Variants in THOC2 observed in about 807,000 individuals in gnomAD.
THOC2 encodes the protein THO complex 2.
A neutral mutation model predicts 128.4 loss-of-function variants in THOC2; 10 were observed. That is an observed-to-expected ratio of 0.08 (90% CI 0.05 to 0.13). THOC2 has a LOEUF of 0.13. THOC2 is among the 10% of genes least tolerant of loss of function. THOC2 has a pLI of 1.00. For synonymous variants in THOC2, 393 were observed against 396.9 expected, an observed-to-expected ratio of 0.99 and a Z score of 0.12; for missense variants, 535 against 1,155.7, an observed-to-expected ratio of 0.46 and a Z score of 7.79.
At chrX:123,716,569 C>T (rs2051423801) in intron 1 of THOC2, among the ~76,000 whole-genome samples, 1 of 109,795 alleles carries the variant, frequency 9.1e-6, no homozygotes, top group Admixed American at 9.8e-5. Flanking sequence ...ACTAAAAATA[C>T]AAAAACAAAA....
intron 37 of THOC2, 25 bp from the exon 38 acceptor site, chrX:123,610,988 A>T: frequency 1.7e-6 from 2 of 1,200,516 alleles, no homozygotes; most frequent in Non-Finnish European, 2.3e-6. Context: ...AAGGGAAAAC[A>T]ACTTTTGGGA....
At chrX:123,726,512 CAAA>C (rs567231605) in intron 1 of THOC2, among the ~76,000 whole-genome samples, 7 of 52,584 alleles carry the variant, frequency 1.3e-4, no homozygotes, top group Admixed American at 2.3e-4. Context: ...GACCCTGTCT[CAAA>C]AAAAAAAAAA....
chrX:123,653,717 C>T (rs2048453621), intron 12 of THOC2, among the ~76,000 whole-genome samples: 1 of 111,930 alleles, frequency 8.9e-6, no homozygotes, highest in Non-Finnish European at 1.9e-5. Context: ...CAATGAGATA[C>T]CATCTCACAC....
At chrX:123,607,410 G>A (rs2046513698) in intron 38 of THOC2, among the ~76,000 whole-genome samples, 1 of 110,175 alleles carries the variant, frequency 9.1e-6, no homozygotes, top group Non-Finnish European at 1.9e-5. Flanking sequence ...CAAGGAGCTG[G>A]TACTACAGGT....
rs2050459185 is a variant in THOC2, at chrX:123,696,656, T to C, written c.467+65A>G. 4.6e-6 allele frequency: 5 copies of C among 1,089,228 alleles called. No individual in the cohort carries two copies. In the Admixed American group the frequency reaches 1.4e-4, roughly 30 times the overall value. 89.8% of individuals were successfully genotyped at this position (1,089,228 alleles called of 1,213,427 possible). A position where few individuals can be genotyped will look rare whatever the true frequency, so the allele number is the denominator to read the frequency against. On this transcript the variant is annotated intron_variant, in intron 6 of 38. Transcript: ENST00000245838. ...AAAGTCCCCTTAGAAGCTACTAGGATTCAAAATATGAACGAAAAAACATAC... is the reference window on the plus strand; with the variant it reads ...AAAGTCCCCTTAGAAGCTACTAGGACTCAAAATATGAACGAAAAAACATAC...
rs951889866 is a variant in THOC2 at position 123,703,427 on chromosome X, C to G, written c.274+27G>C. Reference sequence around the variant, plus strand: ...ATTTGATTTACCACACAGCACATTACAGGTGAAATAAAGGCTTAATACCTA... The same window carrying G: ...ATTTGATTTACCACACAGCACATTAGAGGTGAAATAAAGGCTTAATACCTA... On this transcript the variant is annotated intron_variant, in intron 4 of 38. Transcript: ENST00000245838. 3.9e-6 allele frequency: 4 copies of G among 1,013,864 alleles called. No homozygotes were observed. The African/African-American group carries it at 5.7e-5, about 14-fold the overall frequency. The allele number at this position is 1,013,864 out of a possible 1,213,427, so 83.6% of individuals were successfully genotyped here. A position where few individuals can be genotyped will look rare whatever the true frequency, so the allele number is the denominator to read the frequency against.
At chrX:123,644,718 C>T in intron 14 of THOC2, 42 bp from the exon 15 acceptor site, 1 of 1,165,362 alleles carries the variant, frequency 8.6e-7, no homozygotes. Flanking sequence ...AAGTTAAACA[C>T]TTAGAGGTTA....
rs959109498 is a variant in THOC2, at chrX:123,621,161, T to G, written c.4212A>C (p.Glu1404Asp). The part of the protein sequence containing the change: ...PVPRSDIPEP[E>D]REQKRRKIDT... ...TATAAAGAAAGGTAAACTTGCCCCT[T>G]TCAGGCTCTGGAATATCTGATCTGG... Residue 1404 changes from glutamate to aspartate, a missense_variant, in exon 31 of 39, where the codon GAA becomes GAC. By Grantham distance (45) the Glu-to-Asp change is conservative (BLOSUM62 2). Coordinates refer to ENST00000245838, the MANE Select transcript of THOC2 (RefSeq NM_001081550.2). 11 of 1,197,293 alleles carry G rather than the reference T, an allele frequency of 9.2e-6. No homozygotes were observed. Among genetic ancestry groups the G allele is most frequent in the Non-Finnish European group, 1.2e-5 (11 of 890,742 alleles).
intron 7 of THOC2, among the ~76,000 whole-genome samples, chrX:123,691,862 G>A (rs1196654817): frequency 1.8e-5 from 2 of 112,435 alleles, no homozygotes; most frequent in African/African-American, 3.2e-5. Context: ...TGGCTTGTGG[G>A]TTAAATCCAT....
chrX:123,707,906 C>T (rs994811023), intron 2 of THOC2, among the ~76,000 whole-genome samples: 2 of 106,695 alleles, frequency 1.9e-5, no homozygotes, highest in African/African-American at 6.9e-5. Context: ...GACAGGAGGA[C>T]GGCTTGAGCC....
intron 2 of THOC2, among the ~76,000 whole-genome samples, chrX:123,711,420 T>C (rs1270516139): frequency 9.1e-6 from 1 of 110,123 alleles, no homozygotes; most frequent in Non-Finnish European, 1.9e-5. Context: ...GCGAAAGGAC[T>C]GCTTGAGGTC....
At chrX:123,642,754 GA>G (rs1416446562) in intron 15 of THOC2, among the ~76,000 whole-genome samples, 9 of 109,253 alleles carry the variant, frequency 8.2e-5, no homozygotes, top group Non-Finnish European at 1.1e-4. Context: ...AATAATATAA[GA>G]GGGGGATAAT....
intron 1 of THOC2, among the ~76,000 whole-genome samples, chrX:123,713,529 A>C (rs1383557594): frequency 9.1e-6 from 1 of 109,392 alleles, no homozygotes; most frequent in Non-Finnish European, 1.9e-5. Context: ...ATGACACATT[A>C]TGTGCCTCCA....
At chrX:123,692,567 T>C (rs1255344311) in intron 7 of THOC2, among the ~76,000 whole-genome samples, 1 of 99,163 alleles carries the variant, frequency 1.0e-5, no homozygotes, top group African/African-American at 3.8e-5. Context: ...AGTGGCACGA[T>C]CTCAGCTCAC....
At chrX:123,640,480 T>C in intron 16 of THOC2, 58 bp downstream of exon 16, 1 of 862,414 alleles carries the variant, frequency 1.2e-6, no homozygotes, top group Non-Finnish European at 1.6e-6. Flanking sequence ...CCACTTGCAC[T>C]GATTTAAAGG....
At chrX:123,633,132 T>A in intron 20 of THOC2, 92 bp from the exon 21 acceptor site, 1 of 622,319 alleles carries the variant, frequency 1.6e-6, no homozygotes, top group Non-Finnish European at 2.3e-6. Context: ...TTAAAATGCT[T>A]AATATAAAAA....
At chrX:123,708,823 T>C (rs1270215544) in intron 2 of THOC2, among the ~76,000 whole-genome samples, 1 of 111,859 alleles carries the variant, frequency 8.9e-6, no homozygotes, top group African/African-American at 3.2e-5. Flanking sequence ...CTTGGCTCAC[T>C]GCAACCTCTG....
chrX:123,719,645 T>C (rs1158397023), intron 1 of THOC2, among the ~76,000 whole-genome samples: 1 of 104,005 alleles, frequency 9.6e-6, no homozygotes, highest in Non-Finnish European at 2.0e-5. Flanking sequence ...TAAAAGAAAA[T>C]GGTGATGCCA....
At chrX:123,622,004 C>T (rs2047102462) in intron 30 of THOC2, among the ~76,000 whole-genome samples, 1 of 112,076 alleles carries the variant, frequency 8.9e-6, no homozygotes, top group African/African-American at 3.2e-5. Context: ...AAAATCACAC[C>T]ACTGCACTCC....
Sources: allele counts gnomAD v4.1 joint callset (sites outside exome capture counted in the v4.1 genomes callset), GRCh38; gene constraint gnomAD v4.1.1; transcripts MANE v1.5; gene names NCBI Gene and HGNC (gene_info 2026-07-23, HGNC 2026-07-21).